Variants in IRS4 observed in about 807,000 individuals in gnomAD.
The protein encoded by IRS4 is insulin receptor substrate 4, also known as 160 kDa phosphotyrosine protein.
Under a neutral mutation model 48.6 loss-of-function variants are expected in IRS4, and 15 were observed. The ratio of observed to expected loss-of-function variants is 0.31; its 90% CI spans 0.21 to 0.48. The LOEUF is 0.48. Among genes scored for constraint, IRS4 ranks in the 20% least tolerant of loss-of-function variants. The pLI, the probability that IRS4 is intolerant of heterozygous loss-of-function variation, is 0.99. For synonymous variants in IRS4, 459 were observed against 413.2 expected (o/e 1.11, Z -1.34); for missense variants, 987 against 1,023.4 (o/e 0.96, Z 0.49).
chrX:108,734,115 T>C lies in IRS4; in HGVS notation c.2230A>G (p.Met744Val). 8.3e-7 allele frequency: 1 copy of C among 1,211,552 alleles called. No individual in the cohort carries two copies. The highest frequency in any genetic ancestry group is 1.1e-6 in the Non-Finnish European group (1 of 895,445). ...GGGCTCACTCTGGGAAACATCATCATGTACCCTCTTGAATCTTCAAAAGGG... is the reference window on the plus strand; with the variant it reads ...GGGCTCACTCTGGGAAACATCATCACGTACCCTCTTGAATCTTCAAAAGGG... The part of the protein sequence containing the change: ...RSPFEDSRGY[M>V]MMFPRVSPPP... The change falls in exon 1 of 2, where the codon ATG becomes GTG. Residue 744 changes from methionine to valine, a missense_variant. Met to Val is a conservative substitution (Grantham distance 21). This residue lies in a region of IRS4 where 720 missense variants were observed against 660.3 expected (regional missense o/e 1.09). Coordinates refer to ENST00000372129, the MANE Select transcript of IRS4 (RefSeq NM_001379150.1).
intron 1 of IRS4, 149 bp downstream of exon 1, chrX:108,732,430 C>T (rs989801855): frequency 4.9e-6 from 5 of 1,019,120 alleles, no homozygotes; most frequent in Middle Eastern, 3.8e-4. Flanking sequence ...ATCAAAAAGG[C>T]ATTTGTGAAT....
chrX:108,724,116 T>A (rs2068865302), intron 1 of IRS4: 2 of 112,583 alleles, frequency 1.8e-5, no homozygotes, highest in African/African-American at 3.2e-5. Context: ...TATGATACAC[T>A]GGATTTCATA....
At chrX:108,722,580 A>AC in intron 1 of IRS4, 57 bp from the exon 2 acceptor site, 2 of 304,791 alleles carry the variant, frequency 6.6e-6, no homozygotes, top group Non-Finnish European at 6.2e-6. Context: ...GAGAGCTGTC[A>AC]CCCCCACCCT....
In IRS4 at chrX:108,735,565, G is replaced by T. The variant is rs2068943524; in HGVS notation, c.780C>A (p.Asp260Glu). 1 of 1,206,603 alleles carries T rather than the reference G, an allele frequency of 8.3e-7. No homozygotes were observed. The highest frequency in any genetic ancestry group is 1.1e-6 in the Non-Finnish European group (1 of 894,327). The stretch of plus-strand genomic sequence containing the variant: ...TCAGCCTCACAAACACGACCTCCTC[G>T]TCGGTTAGACACAGCCGGAACACGC... ...LSGVFRLCLT[D>E]EEVVFVRLNT... The change falls in exon 1 of 2, where the codon GAC becomes GAA. Residue 260 changes from aspartate to glutamate, a missense_variant. This residue lies in a region of IRS4 where 20 missense variants were observed against 53.9 expected (regional missense o/e 0.37). Coordinates refer to ENST00000372129, the MANE Select transcript of IRS4 (RefSeq NM_001379150.1).
Position 108,732,791 on chromosome X carries a change from G to C in IRS4, c.3554C>G (p.Ser1185Trp), listed in dbSNP as rs1244980972. 8 of 1,196,138 alleles carry C rather than the reference G, an allele frequency of 6.7e-6. No homozygotes were observed. The South Asian group carries it at 1.1e-4, about 16-fold the overall frequency. The change falls in exon 1 of 2, where the codon TCG becomes TGG. Residue 1185 changes from serine to tryptophan, a missense_variant. Physicochemically the swap from Ser to Trp is radical, Grantham distance 177 (BLOSUM62 -3). Around this residue, in one of 4 missense-constraint regions of IRS4, gnomAD observed 720 missense variants for 660.3 expected, o/e 1.09. Transcript: ENST00000372129. ...VRGAQDVAGG[S>W]NPGAHNPSAN... ...AGATGGGTTGTGGGCTCCAGGGTTC[G>C]AGCCACCGGCAACGTCTTGGGCTCC...
Position 108,734,573 on chromosome X carries a change from C to A in IRS4, c.1772G>T (p.Gly591Val). Residue 591 changes from glycine (G) to valine (V), a missense_variant, in exon 1 of 2, where the codon GGC (glycine) becomes GTC (valine). Gly to Val is a moderately radical substitution (Grantham distance 109, BLOSUM62 -3). Transcript: ENST00000372129. ...TCCTTTCCCACTTCCTGAGCCTTTG[C>A]CCCCCCCAGAGTTCTTGCCACCACC... The part of the protein sequence containing the change: ...GSGGGKNSGG[G>V]KGSGSGKGSD... 1 of 1,210,237 alleles carries A rather than the reference C, an allele frequency of 8.3e-7. No homozygotes were observed. Among genetic ancestry groups the A allele is most frequent in the Non-Finnish European group, 1.1e-6 (1 of 894,844 alleles).
intron 1 of IRS4, among the ~76,000 whole-genome samples, chrX:108,729,084 A>T (rs1201464406): frequency 1.8e-5 from 2 of 111,393 alleles, no homozygotes; most frequent in Non-Finnish European, 3.8e-5. Flanking sequence ...GTTGAATATT[A>T]CCTAAAATAA....
chrX:108,732,332 C>T, intron 1 of IRS4: 1 of 390,683 alleles, frequency 2.6e-6, no homozygotes, highest in Non-Finnish European at 4.3e-6. Context: ...GTTTTAACTA[C>T]TCCTAAAAAA....
At chrX:108,725,930 T>C (rs1300314622) in intron 1 of IRS4, 1 of 112,040 alleles carries the variant, frequency 8.9e-6, no homozygotes, top group Non-Finnish European at 1.9e-5. Flanking sequence ...CACTTATGCA[T>C]GTGCATTCCA....
chrX:108,736,226 G>A lies in IRS4; in HGVS notation c.119C>T (p.Pro40Leu). 3 of 1,210,821 alleles carry A rather than the reference G, an allele frequency of 2.5e-6. No homozygotes were observed. Among genetic ancestry groups the A allele is most frequent in the Non-Finnish European group, 3.4e-6 (3 of 895,302 alleles). Reference protein sequence around the residue: ...VTTPLLSSGTPTALIGTGSSC... With the variant: ...VTTPLLSSGTLTALIGTGSSC... The stretch of plus-strand genomic sequence containing the variant: ...CGACCCGGTCCCAATGAGTGCGGTC[G>A]GGGTTCCCGAGGAAAGAAGCGGGGT... Residue 40 changes from proline (P) to leucine (L), a missense_variant, in exon 1 of 2, where the codon CCG (proline) becomes CTG (leucine). Around this residue, in one of 4 missense-constraint regions of IRS4, gnomAD observed 173 missense variants for 208.9 expected, o/e 0.83. Transcript: ENST00000372129.
chrX:108,730,286 TCACCACCATCAA>T (rs2068893662), intron 1 of IRS4, among the ~76,000 whole-genome samples: 1 of 109,657 alleles, frequency 9.1e-6, no homozygotes, highest in Non-Finnish European at 1.9e-5. Context: ...ATGGGTTGTT[TCACCACCATCAA>T]CACCACCACC....
rs1490119028 is a variant in IRS4 at position 108,732,978 on chromosome X, C to T, written c.3367G>A (p.Ala1123Thr). ...SPSSAPAVAS[A>T]AEPTLALSQV... is the part of the protein sequence containing the mutation. ...CTGAGGGCTAAAGTCGGCTCTGCAG[C>T]CGAAGCGACAGCCGGGGCTGAGGAT... is the stretch of plus-strand genomic sequence containing the variant. The change falls in exon 1 of 2, where the codon GCT (alanine) becomes ACT (threonine). Residue 1123 changes from alanine to threonine, a missense_variant. Ala to Thr is a moderately conservative substitution (Grantham distance 58). This residue lies in a region of IRS4 where 720 missense variants were observed against 660.3 expected (regional missense o/e 1.09). Transcript: ENST00000372129. The T allele has an allele frequency of 1.7e-5, 20 of 1,201,338 alleles. No individual in the cohort carries two copies. Among genetic ancestry groups the T allele is most frequent in the East Asian group, 3.0e-5 (1 of 33,510 alleles).
In IRS4 at chrX:108,734,887, G is replaced by A; in HGVS notation, c.1458C>T (p.Asp486=). 3 of 1,211,972 alleles carry A rather than the reference G, an allele frequency of 2.5e-6. No homozygotes were observed. The highest frequency in any genetic ancestry group is 2.2e-6 in the Non-Finnish European group (2 of 895,588). ...GKEDQEGSGG[D]YMPMNNWGSG... is the part of the protein sequence containing the mutation. ...AGCCCCAATTGTTCATAGGCATGTA[G>A]TCACCTCCGCTTCCTTCCTGATCTT... The change falls in exon 1 of 2, where the codon GAC becomes GAT. Residue 486 remains aspartate, a synonymous_variant. Coordinates refer to ENST00000372129, the MANE Select transcript of IRS4 (RefSeq NM_001379150.1).
chrX:108,724,925 T>G (rs2068868091), intron 1 of IRS4: 1 of 112,046 alleles, frequency 8.9e-6, no homozygotes, highest in African/African-American at 3.2e-5. Flanking sequence ...TTCTCTGTAA[T>G]ATAGAAAACC....
In IRS4 at chrX:108,735,843, T is replaced by C; in HGVS notation, c.502A>G (p.Ile168Val). 1 of 1,208,704 alleles carries C rather than the reference T, an allele frequency of 8.3e-7. No homozygotes were observed. The highest frequency in any genetic ancestry group is 1.8e-5 in the South Asian group (1 of 56,825). ...TATTCGTCTTGGGTGAAAAGAGCAATGAGGTGTCGGTACCTTGCATCTGCT... is the reference window on the plus strand; with the variant it reads ...TATTCGTCTTGGGTGAAAAGAGCAACGAGGTGTCGGTACCTTGCATCTGCT... ...QRADARYRHL[I>V]ALFTQDEYFA... Residue 168 changes from isoleucine to valine, a missense_variant, in exon 1 of 2, where the codon ATT (isoleucine) becomes GTT (valine). Coordinates refer to ENST00000372129, the MANE Select transcript of IRS4 (RefSeq NM_001379150.1).
intron 1 of IRS4, chrX:108,723,533 G>A (rs1388340727): frequency 9.0e-6 from 1 of 111,690 alleles, no homozygotes; most frequent in African/African-American, 3.3e-5. Flanking sequence ...CCTCTTACTA[G>A]TTGTGTCTCT....
rs2068947187 is a variant in IRS4, at chrX:108,735,827, T to C, written c.518A>G (p.Gln173Arg). 1 of 1,205,586 alleles carries C rather than the reference T, an allele frequency of 8.3e-7. No homozygotes were observed. ...GGCCACCATCGCGAAGTATTCGTCT[T>C]GGGTGAAAAGAGCAATGAGGTGTCG... ...RYRHLIALFT[Q>R]DEYFAMVAEN... Residue 173 changes from glutamine (Q) to arginine (R), a missense_variant, in exon 1 of 2, where the codon CAA (glutamine) becomes CGA (arginine). Physicochemically the swap from Gln to Arg is conservative, Grantham distance 43 (BLOSUM62 1). Coordinates refer to ENST00000372129, the MANE Select transcript of IRS4 (RefSeq NM_001379150.1).
At chrX:108,722,608 C>CACAAA in intron 1 of IRS4, 85 bp from the exon 2 acceptor site, 1 of 279,725 alleles carries the variant, frequency 3.6e-6, no homozygotes, top group South Asian at 3.6e-5. Context: ...AACAAAACAA[C>CACAAA]ACAAAACAAA....
At position 108,722,244 on chromosome X, in the gene IRS4, G is replaced by T; in HGVS notation, c.*275C>A. ...GTATAGTATCTGTTTCCTTTCAAAG[G>T]GACAGACTGGGGAGGAAAACCAGAA... On this transcript the variant is annotated 3_prime_UTR_variant, in exon 2 of 2. Transcript: ENST00000372129. 6.7e-6 allele frequency: 1 copy of T among 149,646 alleles called. No individual in the cohort carries two copies. Among genetic ancestry groups the T allele is most frequent in the Admixed American group, 7.3e-5 (1 of 13,678 alleles). The allele number at this position is 149,646 out of a possible 1,213,427, so 12.3% of individuals were successfully genotyped here. A position where few individuals can be genotyped will look rare whatever the true frequency, so the allele number is the denominator to read the frequency against.
Sources: allele counts gnomAD v4.1 joint callset (sites outside exome capture counted in the v4.1 genomes callset), GRCh38; gene constraint gnomAD v4.1.1; regional missense constraint gnomAD v4.1.1; transcripts MANE v1.5; gene names NCBI Gene and HGNC (gene_info 2026-07-23, HGNC 2026-07-21).